Variants in MXD1 observed in about 807,000 individuals in gnomAD.
MXD1 encodes the protein MAX-binding protein.
A neutral mutation model predicts 25.7 loss-of-function variants in MXD1; 9 were observed. The observed-to-expected ratio is 0.35, with a 90% CI of 0.21 to 0.61. The LOEUF (loss-of-function observed/expected upper bound fraction) is 0.61. MXD1 is among the 20% of genes least tolerant of loss of function. The pLI, the probability that MXD1 is intolerant of heterozygous loss-of-function variation, is 0.75. For missense variants in MXD1, 227 were observed against 292.4 expected, an observed-to-expected ratio of 0.78 and a Z score of 1.63; for synonymous variants, 99 against 113.9, an observed-to-expected ratio of 0.87 and a Z score of 0.83.
chr2:69,929,050 C>T (rs1303020890), intron 3 of MXD1, among the ~76,000 whole-genome samples: 2 of 152,130 alleles, frequency 1.3e-5, no homozygotes, highest in African/African-American at 4.8e-5. Flanking sequence ...TGTGCCACCG[C>T]ACCTGGCTAA....
chr2:69,921,659 A>G, intron 2 of MXD1, 77 bp from the exon 3 acceptor site: 1 of 1,349,362 alleles, frequency 7.4e-7, no homozygotes, highest in Non-Finnish European at 1.0e-6. Context: ...GAAAGAAGTT[A>G]AAAGAATTGT....
chr2:69,924,563 T>C (rs781583354), intron 3 of MXD1, among the ~76,000 whole-genome samples: 5 of 152,218 alleles, frequency 3.3e-5, no homozygotes, highest in African/African-American at 4.8e-5. Flanking sequence ...GGAGGTCAGC[T>C]GAACAGCTGT....
chr2:69,928,583 C>G (rs533857309), intron 3 of MXD1, among the ~76,000 whole-genome samples: 2 of 152,070 alleles, frequency 1.3e-5, no homozygotes, highest in South Asian at 4.2e-4. Context: ...TATCCCAAGA[C>G]TTGCTGGGGG....
Position 69,937,132 on chromosome 2 carries a change from G to A in MXD1, c.319-103G>A, listed in dbSNP as rs548618446. ...TGATGAGTGGCACCGAAAGGCGTCT[G>A]AGGAAGTGTGGCGCATTCCACTGCT... On this transcript the variant is annotated intron_variant, in intron 4 of 5. Transcript: ENST00000264444. 181 of 1,464,866 alleles carry A rather than the reference G, an allele frequency of 1.2e-4. 1 individual carries two copies. In the East Asian group the frequency reaches 3.9e-3, roughly 31 times the overall value. The allele number at this position is 1,464,866 out of a possible 1,614,324, so 90.7% of individuals were successfully genotyped here.
At chr2:69,936,068 A>G (rs1455003319) in intron 4 of MXD1, among the ~76,000 whole-genome samples, 1 of 151,622 alleles carries the variant, frequency 6.6e-6, no homozygotes, top group Non-Finnish European at 1.5e-5. Context: ...ATATTGTCTT[A>G]CTTTAGGGCC....
At chr2:69,937,618 GTTTT>G (rs1677485030) in intron 5 of MXD1, among the ~76,000 whole-genome samples, 1 of 152,164 alleles carries the variant, frequency 6.6e-6, no homozygotes, top group Non-Finnish European at 1.5e-5. Context: ...AGCCTAGTTT[GTTTT>G]GTTTTGTTTT....
Position 69,929,106 on chromosome 2 carries a change from T to A in MXD1, c.204-6245T>A, listed in dbSNP as rs150829903. Among the ~76,000 whole-genome samples, 30 of 152,308 alleles carry A rather than the reference T, an allele frequency of 2.0e-4. 1 individual carries two copies. In the East Asian group the frequency reaches 5.6e-3, roughly 28 times the overall value. On this transcript the variant is annotated intron_variant, in intron 3 of 5. Transcript: ENST00000264444. ...ATGGGTTTCGCCATGTTGCCTAGGC[T>A]GGTCTCAAACTCCTGGCCTCAAGTG...
intron 2 of MXD1, among the ~76,000 whole-genome samples, chr2:69,919,379 C>T (rs1677018564): frequency 6.6e-6 from 1 of 152,166 alleles, no homozygotes; most frequent in East Asian, 1.9e-4. Flanking sequence ...CAGTCTCGCT[C>T]TGTTGCCTAA....
At chr2:69,937,426 C>G (rs1677478320) in intron 5 of MXD1, 32 bp downstream of exon 5, 2 of 1,555,406 alleles carry the variant, frequency 1.3e-6, no homozygotes, top group South Asian at 1.2e-5. Flanking sequence ...CCCTGTCTCC[C>G]TTGTGCTCCC....
chr2:69,936,715 CAGGACATCAAAAGGGACTAT>C (rs1224990463), intron 4 of MXD1, among the ~76,000 whole-genome samples: 3 of 152,138 alleles, frequency 2.0e-5, no homozygotes, highest in African/African-American at 7.2e-5. Flanking sequence ...AAATTAGAAT[CAGGACATCAAAAGGGACTAT>C]TATTTCCTGC....
intron 3 of MXD1, among the ~76,000 whole-genome samples, chr2:69,930,030 A>T (rs1158092737): frequency 6.6e-6 from 1 of 152,224 alleles, no homozygotes; most frequent in Non-Finnish European, 1.5e-5. Flanking sequence ...TCCCAGTGTT[A>T]AAAAGAACAC....
rs1677620323 is a variant in MXD1, at chr2:69,942,123, A to G, written c.*3839A>G. Reference sequence around the variant, plus strand: ...CATCAGGTAGTAAAAGGCTAAACGCAATTTCTTGCATGTCAATCTATTCTT... The same window carrying G: ...CATCAGGTAGTAAAAGGCTAAACGCGATTTCTTGCATGTCAATCTATTCTT... On this transcript the variant is annotated 3_prime_UTR_variant, in exon 6 of 6. Coordinates refer to ENST00000264444, the MANE Select transcript of MXD1 (RefSeq NM_002357.4). The G allele has an allele frequency of 6.6e-6, 1 of 152,136 alleles. No individual in the cohort carries two copies. Among genetic ancestry groups the G allele is most frequent in the Non-Finnish European group, 1.5e-5 (1 of 68,028 alleles). The allele number at this position is 152,136 out of a possible 1,614,324, so 9.4% of individuals were successfully genotyped here. A position where few individuals can be genotyped will look rare whatever the true frequency, so the allele number is the denominator to read the frequency against.
rs1249856617 is a variant in MXD1, at chr2:69,915,110, C to T, written c.-221C>T. On this transcript the variant is annotated 5_prime_UTR_variant, in exon 1 of 6. Coordinates refer to ENST00000264444, the MANE Select transcript of MXD1 (RefSeq NM_002357.4). The surrounding 1 kb of genome is among the most constrained non-coding windows in gnomAD (Gnocchi z 5.8). ...CACTCCGCGGCGGTGGCGGCTGCTGCTCTGCTCCGGGTTCTGTCACTGTGT... is the reference window on the plus strand; with the variant it reads ...CACTCCGCGGCGGTGGCGGCTGCTGTTCTGCTCCGGGTTCTGTCACTGTGT... 9.8e-6 allele frequency: 4 copies of T among 406,120 alleles called. No individual in the cohort carries two copies. The highest frequency in any genetic ancestry group is 1.7e-5 in the Non-Finnish European group (4 of 231,194). 25.2% of individuals were successfully genotyped at this position (406,120 alleles called of 1,614,324 possible).
chr2:69,924,891 G>T (rs891119291), intron 3 of MXD1, among the ~76,000 whole-genome samples: 2 of 152,194 alleles, frequency 1.3e-5, no homozygotes, highest in African/African-American at 4.8e-5. Flanking sequence ...GCACTTTAGA[G>T]ATTGTAAATA....
intron 3 of MXD1, among the ~76,000 whole-genome samples, chr2:69,924,965 T>C (rs1677142640): frequency 6.6e-6 from 1 of 152,216 alleles, no homozygotes; most frequent in Non-Finnish European, 1.5e-5. Flanking sequence ...ACCAACACTT[T>C]GAAGTATCTT....
Position 69,938,698 on chromosome 2 carries a change from C to T in MXD1, c.*414C>T, listed in dbSNP as rs1305686180. 7 of 156,766 alleles carry T rather than the reference C, an allele frequency of 4.5e-5. No individual in the cohort carries two copies. Among genetic ancestry groups the T allele is most frequent in the African/African-American group, 1.7e-4 (7 of 41,478 alleles). 9.7% of individuals were successfully genotyped at this position (156,766 alleles called of 1,614,324 possible). ...CTTGTACTTAGGAAACTGAAGGAAA[C>T]AAACTTTTGAAATTGAGATCCTGAT... On this transcript the variant is annotated 3_prime_UTR_variant, in exon 6 of 6. Transcript: ENST00000264444.
At chr2:69,933,200 C>CA (rs59201689) in intron 3 of MXD1, among the ~76,000 whole-genome samples, 1,691 of 79,910 alleles carry the variant, frequency 0.021, 87 homozygotes, top group Non-Finnish European at 0.03. Context: ...AACTCTGTCT[C>CA]AAAAAAAAAA....
chr2:69,919,634 A>G (rs1412830514), intron 2 of MXD1, among the ~76,000 whole-genome samples: 1 of 151,684 alleles, frequency 6.6e-6, no homozygotes, highest in Non-Finnish European at 1.5e-5. Flanking sequence ...ATGCCCATCT[A>G]CTTTCATCCA....
At chr2:69,932,276 G>A (rs1677305078) in intron 3 of MXD1, among the ~76,000 whole-genome samples, 1 of 152,132 alleles carries the variant, frequency 6.6e-6, no homozygotes, top group South Asian at 2.1e-4. Context: ...TTTGGTAGGA[G>A]CTGTACATAA....
Sources: allele counts gnomAD v4.1 joint callset (sites outside exome capture counted in the v4.1 genomes callset), GRCh38; gene constraint gnomAD v4.1.1; non-coding constraint Gnocchi (gnomAD v3.1); transcripts MANE v1.5; gene names NCBI Gene and HGNC (gene_info 2026-07-23, HGNC 2026-07-21).